GSE1: variants seen among roughly 807,000 people sequenced by gnomAD.
GSE1 encodes Gse1 coiled-coil protein, also known as genetic suppressor element 1.
Under a neutral mutation model 112.6 loss-of-function variants are expected in GSE1, and 32 were observed. The observed-to-expected ratio is 0.28, with a 90% CI of 0.21 to 0.38. GSE1 has a LOEUF of 0.38. Among genes scored for constraint, GSE1 ranks in the 10% least tolerant of loss-of-function variants. The pLI is 1.00. For missense variants in GSE1, 2,348 were observed against 1,699.2 expected (o/e 1.38, Z -6.71); for synonymous variants, 1,115 against 735.6 (o/e 1.52, Z -8.35).
chr16:85,466,639 G>A (rs1390965039), intron 2 of GSE1, among the ~76,000 whole-genome samples: 1 of 151,814 alleles, frequency 6.6e-6, no homozygotes, highest in African/African-American at 2.4e-5. Flanking sequence ...TTGTCTTCCA[G>A]TAAGGAAAGC....
chr16:85,176,890 G>A (rs945845716), intron 1 of GSE1, among the ~76,000 whole-genome samples: 1 of 152,248 alleles, frequency 6.6e-6, no homozygotes, highest in Non-Finnish European at 1.5e-5. Context: ...CTGCTCCTCA[G>A]GGGGCCTGGC....
At chr16:85,264,926 G>A (rs1357748818) in intron 1 of GSE1, among the ~76,000 whole-genome samples, 1 of 152,196 alleles carries the variant, frequency 6.6e-6, no homozygotes, top group Non-Finnish European at 1.5e-5. Flanking sequence ...CCAGGCAGGT[G>A]ACTTGGCCTC....
At chr16:85,215,871 T>C (rs1034777521) in intron 1 of GSE1, among the ~76,000 whole-genome samples, 1 of 152,138 alleles carries the variant, frequency 6.6e-6, no homozygotes, top group African/African-American at 2.4e-5. Context: ...GCTGCTTCTG[T>C]TGCAGAACAG....
Position 85,230,965 on chromosome 16 carries a change from A to G in GSE1, c.2283+59158A>G, listed in dbSNP as rs1330601606. ...GACAGACGGATGGATGGATAGATGG[A>G]TGGACGGACGGACGGATGGATAGAA... On this transcript the variant is annotated intron_variant, in intron 1 of 2. Transcript: ENST00000637419. 1.3e-5 allele frequency among the ~76,000 whole-genome samples: 2 copies of G among 151,888 alleles called. 1 individual carries two copies.
At chr16:85,460,131 T>A (rs529093420) in intron 2 of GSE1, among the ~76,000 whole-genome samples, 42 of 152,300 alleles carry the variant, frequency 2.8e-4, no homozygotes, top group African/African-American at 8.7e-4. Context: ...CCACATCCCT[T>A]GACCAGATAA....
At chr16:85,226,245 G>A (rs927879775) in intron 1 of GSE1, among the ~76,000 whole-genome samples, 4 of 152,086 alleles carry the variant, frequency 2.6e-5, no homozygotes, top group Non-Finnish European at 5.9e-5. Context: ...GATGAAATGG[G>A]GTAACACTGC....
intron 1 of GSE1, among the ~76,000 whole-genome samples, chr16:85,265,964 G>A (rs1372214839): frequency 6.6e-6 from 1 of 152,210 alleles, no homozygotes; most frequent in Non-Finnish European, 1.5e-5. Flanking sequence ...AATGTTTGCT[G>A]TAGTCCCTGT....
chr16:85,415,703 C>G (rs558374128), intron 2 of GSE1, among the ~76,000 whole-genome samples: 4 of 152,364 alleles, frequency 2.6e-5, no homozygotes, highest in Admixed American at 1.3e-4. Flanking sequence ...GGGTGGGAGG[C>G]GCAGCCCGGG....
chr16:85,496,910 T>TTC (rs1465388232), intron 2 of GSE1, among the ~76,000 whole-genome samples: 1 of 151,064 alleles, frequency 6.6e-6, no homozygotes, highest in African/African-American at 2.4e-5. Flanking sequence ...GTTGTTTTTT[T>TTC]TTTCTTGAAA....
intron 1 of GSE1, among the ~76,000 whole-genome samples, chr16:85,230,528 T>C (rs1904275776): frequency 6.6e-6 from 1 of 152,202 alleles, no homozygotes. Context: ...TCTAGGCCTC[T>C]ACCTCTCCCT....
At chr16:85,314,717 C>G (rs1044524527) in intron 1 of GSE1, among the ~76,000 whole-genome samples, 1 of 152,194 alleles carries the variant, frequency 6.6e-6, no homozygotes, top group Non-Finnish European at 1.5e-5. Context: ...CCGTCTCCCC[C>G]GCAGCAGGCC....
chr16:85,372,980 G>C (rs1340800464), intron 2 of GSE1, among the ~76,000 whole-genome samples: 1 of 152,230 alleles, frequency 6.6e-6, no homozygotes, highest in Non-Finnish European at 1.5e-5. Flanking sequence ...CTTTCATCCT[G>C]ACCTCAGTTA....
intron 2 of GSE1, among the ~76,000 whole-genome samples, chr16:85,535,858 C>A (rs749303740): frequency 2.4e-4 from 36 of 152,256 alleles, no homozygotes; most frequent in Non-Finnish European, 5.1e-4. Flanking sequence ...GCTTCAAAGG[C>A]CTGTCCTGTC....
chr16:85,544,005 T>C (rs1041891079), intron 2 of GSE1, among the ~76,000 whole-genome samples: 2 of 152,152 alleles, frequency 1.3e-5, no homozygotes, highest in Non-Finnish European at 2.9e-5. Context: ...ACCTAGTTAA[T>C]TGTATTTTTT....
intron 1 of GSE1, among the ~76,000 whole-genome samples, chr16:85,275,813 G>T (rs1909305738): frequency 6.6e-6 from 1 of 152,244 alleles, no homozygotes; most frequent in Non-Finnish European, 1.5e-5. Flanking sequence ...CCTCGGCCTG[G>T]GAAGGGAAGG....
intron 1 of GSE1, among the ~76,000 whole-genome samples, chr16:85,584,568 C>G (rs530896398): frequency 6.6e-6 from 1 of 152,316 alleles, no homozygotes; most frequent in African/African-American, 2.4e-5. Flanking sequence ...GGAGGTGGAG[C>G]AGTTTCCCCC....
intron 1 of GSE1, among the ~76,000 whole-genome samples, chr16:85,558,603 C>T (rs892140032): frequency 2.0e-5 from 3 of 151,810 alleles, no homozygotes; most frequent in South Asian, 2.1e-4. Context: ...TTGTCCTGAC[C>T]CCCAGGGAGA....
chr16:85,542,236 C>T (rs2044546453), intron 2 of GSE1, among the ~76,000 whole-genome samples: 1 of 152,218 alleles, frequency 6.6e-6, no homozygotes, highest in Non-Finnish European at 1.5e-5. Flanking sequence ...AGGCGGGGAG[C>T]AGGCTGCACA....
intron 2 of GSE1, among the ~76,000 whole-genome samples, chr16:85,444,352 C>T (rs2049456200): frequency 6.6e-6 from 1 of 152,220 alleles, no homozygotes; most frequent in African/African-American, 2.4e-5. Context: ...TCTCAAGAGG[C>T]TCTGAAGGGC....
Sources: allele counts gnomAD v4.1 joint callset (sites outside exome capture counted in the v4.1 genomes callset), GRCh38; gene constraint gnomAD v4.1.1; transcripts MANE v1.5; gene names NCBI Gene and HGNC (gene_info 2026-07-23, HGNC 2026-07-21).